The following FOXP2 variants were observed in gnomAD, a reference collection of about 807,000 sequenced individuals.
The protein encoded by FOXP2 is forkhead box P2, also known as forkhead box protein P2.
A neutral mutation model predicts 115.8 loss-of-function variants in FOXP2; 12 were observed. The ratio of observed to expected loss-of-function variants is 0.10; its 90% CI spans 0.07 to 0.17. The LOEUF (loss-of-function observed/expected upper bound fraction) is 0.17. FOXP2 is among the 10% of genes least tolerant of loss of function. FOXP2 has a pLI of 1.00. For missense variants in FOXP2, 629 were observed against 843.5 expected (o/e 0.75, Z 3.15); for synonymous variants, 328 against 297.7 (o/e 1.10, Z -1.05).
chr7:114,220,259 A>T (rs565756316), intron 1 of FOXP2, among the ~76,000 whole-genome samples: 219 of 152,216 alleles, frequency 1.4e-3, no homozygotes, highest in African/African-American at 4.6e-3. Flanking sequence ...ATATAAAAAA[A>T]ATAATGGGAA....
intron 2 of FOXP2, among the ~76,000 whole-genome samples, chr7:114,331,569 G>T (rs1474813552): frequency 6.6e-6 from 1 of 151,994 alleles, no homozygotes; most frequent in Non-Finnish European, 1.5e-5. Context: ...TTCTTCTCAG[G>T]CTAGGAAGTC....
chr7:114,102,696 C>CACA (rs1554414685), intron 1 of FOXP2, among the ~76,000 whole-genome samples: 1 of 136,386 alleles, frequency 7.3e-6, no homozygotes, highest in African/African-American at 2.7e-5. Flanking sequence ...ACACCACACA[C>CACA]CACACACACA....
chr7:114,505,613 T>G (rs1165999677), intron 2 of FOXP2, among the ~76,000 whole-genome samples: 2 of 151,414 alleles, frequency 1.3e-5, no homozygotes, highest in Non-Finnish European at 3.0e-5. Context: ...GTCTAATTGA[T>G]TTCAGAACAA....
rs187337487 is a variant in FOXP2, at chr7:114,675,901, T to A, written c.2003+11465T>A. On this transcript the variant is annotated intron_variant, in intron 16 of 16. Coordinates refer to ENST00000350908, the MANE Select transcript of FOXP2 (RefSeq NM_014491.4). ...TTATACACATTTTCTTTATTTTATTTTATTATTATTATTATTATTATTTTT... is the reference window on the plus strand; with the variant it reads ...TTATACACATTTTCTTTATTTTATTATATTATTATTATTATTATTATTTTT... 6.9e-4 allele frequency among the ~76,000 whole-genome samples: 103 copies of A among 149,550 alleles called. 2 individuals are homozygous for A. In the East Asian group the frequency reaches 0.019, roughly 27 times the overall value.
intron 2 of FOXP2, among the ~76,000 whole-genome samples, chr7:114,530,245 C>G (rs1381671087): frequency 6.6e-6 from 1 of 151,866 alleles, no homozygotes; most frequent in East Asian, 1.9e-4. Flanking sequence ...CATCTATTTT[C>G]ATAAGAAGCC....
At chr7:114,631,129 A>G (rs2129328062) in intron 5 of FOXP2, 1 of 254,176 alleles carries the variant, frequency 3.9e-6, no homozygotes, top group East Asian at 9.6e-5. Context: ...GACCACATTC[A>G]TGGACCTCTG....
intron 2 of FOXP2, among the ~76,000 whole-genome samples, chr7:114,451,297 A>T (rs1258576922): frequency 1.3e-5 from 2 of 152,070 alleles, no homozygotes; most frequent in Non-Finnish European, 2.9e-5. Flanking sequence ...GATAGAGAGC[A>T]AATATATTGG....
intron 1 of FOXP2, among the ~76,000 whole-genome samples, chr7:114,214,702 C>T (rs1034080397): frequency 3.9e-5 from 6 of 152,148 alleles, no homozygotes; most frequent in Admixed American, 3.9e-4. Flanking sequence ...GCCTTCCCCC[C>T]TTACTCCTGC....
chr7:114,415,155 C>T lies in FOXP2; in HGVS notation c.-216C>T, dbSNP rs1793280339. On this transcript the variant is annotated 5_prime_UTR_variant, in exon 1 of 17. Coordinates refer to ENST00000350908, the MANE Select transcript of FOXP2 (RefSeq NM_014491.4). ...AAATGCCATCAGTCTGGGACGTGAT[C>T]GGGCAGAGGTGTACTCACAGTAGTG... 2.2e-6 allele frequency: 1 copy of T among 454,136 alleles called. No individual in the cohort carries two copies. The highest frequency in any genetic ancestry group is 2.0e-5 in the African/African-American group (1 of 49,952). The allele number at this position is 454,136 out of a possible 1,614,324, so 28.1% of individuals were successfully genotyped here. A position where few individuals can be genotyped will look rare whatever the true frequency, so the allele number is the denominator to read the frequency against.
At position 114,693,426 on chromosome 7, in the gene FOXP2, A is replaced by T; in HGVS notation, c.*3500A>T. ...AATATGATATTTTGTAAAGTTTTCA[A>T]GTTGGACATTTACATTTTTGAGAAT... On this transcript the variant is annotated 3_prime_UTR_variant, in exon 17 of 17. Transcript: ENST00000350908. 2.2e-6 allele frequency: 1 copy of T among 453,616 alleles called. No individual in the cohort carries two copies. The allele number at this position is 453,616 out of a possible 1,614,324, so 28.1% of individuals were successfully genotyped here.
intron 1 of FOXP2, among the ~76,000 whole-genome samples, chr7:114,102,732 A>ACACACACACACACACACCCC (rs757957770): frequency 1.4e-5 from 2 of 146,084 alleles, no homozygotes; most frequent in African/African-American, 5.0e-5. Context: ...ACACACACAC[A>ACACACACACACACACACCCC]CCCCAATGGT....
intron 2 of FOXP2, among the ~76,000 whole-genome samples, chr7:114,384,459 G>A (rs1792390089): frequency 6.6e-6 from 1 of 152,072 alleles, no homozygotes; most frequent in Non-Finnish European, 1.5e-5. Flanking sequence ...CCAATTCTTA[G>A]GCAATTTTTT....
At chr7:114,633,274 T>C (rs762917393) in intron 6 of FOXP2, among the ~76,000 whole-genome samples, 7 of 152,114 alleles carry the variant, frequency 4.6e-5, no homozygotes, top group Non-Finnish European at 8.8e-5. Flanking sequence ...CTCTGAACAA[T>C]GAAATTTATA....
intron 2 of FOXP2, among the ~76,000 whole-genome samples, chr7:114,475,963 T>C (rs1304681776): frequency 6.6e-6 from 1 of 151,968 alleles, no homozygotes; most frequent in Non-Finnish European, 1.5e-5. Context: ...AACATATACA[T>C]GTACCCCCTA....
At chr7:114,438,199 G>A (rs146564605) in intron 2 of FOXP2, among the ~76,000 whole-genome samples, 1 of 152,142 alleles carries the variant, frequency 6.6e-6, no homozygotes, top group African/African-American at 2.4e-5. Context: ...AGGCATTGTA[G>A]CTTCATTTGG....
chr7:114,301,640 G>T (rs944204432), intron 2 of FOXP2, among the ~76,000 whole-genome samples: 1 of 152,080 alleles, frequency 6.6e-6, no homozygotes. Flanking sequence ...GATGGAAAAT[G>T]ATATAAATGA....
At chr7:114,668,341 T>G (rs932488280) in intron 16 of FOXP2, 2 of 152,076 alleles carry the variant, frequency 1.3e-5, no homozygotes, top group African/African-American at 4.8e-5. Context: ...TCATTTATAT[T>G]CCATACTCCA....
intron 2 of FOXP2, among the ~76,000 whole-genome samples, chr7:114,392,348 T>C (rs371993230): frequency 3.9e-5 from 6 of 152,276 alleles, no homozygotes; most frequent in African/African-American, 1.4e-4. Flanking sequence ...GATGCAAATA[T>C]AACTGAGAGT....
chr7:114,545,990 G>T (rs1799906877), intron 3 of FOXP2, among the ~76,000 whole-genome samples: 1 of 151,952 alleles, frequency 6.6e-6, no homozygotes, highest in African/African-American at 2.4e-5. Flanking sequence ...ATTACTATAA[G>T]CTTCTTGAGG....
Sources: gnomAD v4.1 joint callset for allele counts (sites outside exome capture counted in the v4.1 genomes callset) on GRCh38, gnomAD v4.1.1 for gene constraint, MANE v1.5 for transcripts, NCBI Gene and HGNC (gene_info 2026-07-23, HGNC 2026-07-21) for gene names.